TRAPPC9: variants seen among roughly 807,000 people sequenced by gnomAD.
TRAPPC9 encodes IKK2 binding protein.
Under a neutral mutation model 124.0 loss-of-function variants are expected in TRAPPC9, and 83 were observed. The ratio of observed to expected loss-of-function variants is 0.67; its 90% CI spans 0.56 to 0.80. The LOEUF (loss-of-function observed/expected upper bound fraction) is 0.80, where lower values mean the gene tolerates loss of function less well. Among genes scored for constraint, TRAPPC9 ranks in the 30% least tolerant of loss-of-function variants. The probability of loss-of-function intolerance (pLI) is 0.00; values close to 1 mark genes in which losing one functional copy is unlikely to be tolerated. For synonymous variants in TRAPPC9, 638 were observed against 617.5 expected (o/e 1.03, Z -0.49); for missense variants, 1,302 against 1,508.3 (o/e 0.86, Z 2.27).
chr8:139,820,101 G>A (rs1372846147), intron 21 of TRAPPC9, among the ~76,000 whole-genome samples: 1 of 151,160 alleles, frequency 6.6e-6, no homozygotes, highest in African/African-American at 2.4e-5. Flanking sequence ...GCTGATAAAT[G>A]CCAAAAGACA....
In TRAPPC9 at chr8:139,759,051, G is replaced by C. The variant is rs573147057; in HGVS notation, c.3056-26849C>G. On this transcript the variant is annotated intron_variant, in intron 21 of 22. Transcript: ENST00000438773. ...CCGCCTCAGCATGCGCAGTGGTAGA[G>C]GTGTTGATGGCAACTGGTGAGTGGG... 2.6e-5 allele frequency among the ~76,000 whole-genome samples: 4 copies of C among 152,280 alleles called. No homozygotes were observed. The South Asian group carries it at 6.2e-4, about 24-fold the overall frequency.
At chr8:140,422,480 G>A (rs541825905) in intron 5 of TRAPPC9, among the ~76,000 whole-genome samples, 31 of 152,274 alleles carry the variant, frequency 2.0e-4, no homozygotes, top group African/African-American at 6.3e-4. Context: ...CTAGCCAGGT[G>A]CAGTGGCTCA....
intron 7 of TRAPPC9, among the ~76,000 whole-genome samples, chr8:140,384,308 C>CA (rs1388138991): frequency 6.6e-6 from 1 of 151,602 alleles, no homozygotes; most frequent in African/African-American, 2.4e-5. Flanking sequence ...TTCCACATAA[C>CA]AATATTAACC....
intron 21 of TRAPPC9, among the ~76,000 whole-genome samples, chr8:139,868,523 G>C (rs1828691931): frequency 6.6e-6 from 1 of 152,192 alleles, no homozygotes; most frequent in South Asian, 2.1e-4. Flanking sequence ...TTGAAATCCA[G>C]ATGGAGGCCA....
At chr8:139,895,552 T>C (rs1207739524) in intron 20 of TRAPPC9, among the ~76,000 whole-genome samples, 3 of 152,216 alleles carry the variant, frequency 2.0e-5, no homozygotes, top group African/African-American at 7.2e-5. Context: ...GTGCACCTAC[T>C]TAAAGTAATA....
intron 17 of TRAPPC9, among the ~76,000 whole-genome samples, chr8:140,212,535 T>C (rs1189319330): frequency 6.6e-5 from 10 of 152,154 alleles, no homozygotes; most frequent in African/African-American, 1.7e-4. Context: ...TATTGGTCTG[T>C]AGTGCTTTGG....
In TRAPPC9 at chr8:139,825,311, CG is replaced by C. The variant is rs1012160732; in HGVS notation, c.3055+60567del. 6.6e-6 allele frequency among the ~76,000 whole-genome samples: 1 copy of C among 152,200 alleles called. No individual in the cohort carries two copies. Among genetic ancestry groups the C allele is most frequent in the African/African-American group, 2.4e-5 (1 of 41,464 alleles). On this transcript the variant is annotated intron_variant, in intron 21 of 22. Coordinates refer to ENST00000438773, the MANE Select transcript of TRAPPC9 (RefSeq NM_001160372.4). The surrounding 1 kb of genome is among the most constrained non-coding windows in gnomAD (Gnocchi z 4.6). ...AGCCACACTGGGTCCCACTCTTTCC[CG>C]CCGAATGGAGGAGAGGAGAAGCACA...
At chr8:140,126,247 G>A (rs1223136843) in intron 17 of TRAPPC9, among the ~76,000 whole-genome samples, 1 of 152,132 alleles carries the variant, frequency 6.6e-6, no homozygotes, top group Non-Finnish European at 1.5e-5. Flanking sequence ...CCACTGAGAT[G>A]GCCAGGGAGG....
chr8:139,993,127 A>C (rs890530412), intron 18 of TRAPPC9, among the ~76,000 whole-genome samples: 4 of 152,230 alleles, frequency 2.6e-5, no homozygotes, highest in African/African-American at 9.6e-5. Flanking sequence ...CTTCATTTTT[A>C]ATGCGTTGCA....
chr8:139,791,666 T>C (rs1220415353), intron 21 of TRAPPC9, among the ~76,000 whole-genome samples: 1 of 152,222 alleles, frequency 6.6e-6, no homozygotes, highest in African/African-American at 2.4e-5. Context: ...GTGCCCCTTC[T>C]AGCCTGGATG....
chr8:140,260,921 T>A (rs148207326), intron 15 of TRAPPC9, among the ~76,000 whole-genome samples: 1 of 151,564 alleles, frequency 6.6e-6, no homozygotes, highest in African/African-American at 2.4e-5. Flanking sequence ...AGGGAGAGAG[T>A]ACTTTGAAAA....
intron 17 of TRAPPC9, among the ~76,000 whole-genome samples, chr8:140,206,731 A>G (rs2062925388): frequency 6.6e-6 from 1 of 151,390 alleles, no homozygotes; most frequent in African/African-American, 2.4e-5. Context: ...ACATACATAC[A>G]TACACACACA....
At chr8:139,752,529 C>T (rs1264723519) in intron 21 of TRAPPC9, among the ~76,000 whole-genome samples, 7 of 151,532 alleles carry the variant, frequency 4.6e-5, no homozygotes, top group Non-Finnish European at 5.9e-5. Context: ...TCTACCCATC[C>T]ATCCATCCAT....
intron 17 of TRAPPC9, among the ~76,000 whole-genome samples, chr8:140,145,869 A>G (rs538554082): frequency 6.6e-6 from 1 of 151,938 alleles, no homozygotes; most frequent in Admixed American, 6.6e-5. Context: ...CTTCCTTCAC[A>G]TGTTTTCTGT....
At chr8:140,255,821 G>A (rs1012251749) in intron 15 of TRAPPC9, among the ~76,000 whole-genome samples, 1 of 152,222 alleles carries the variant, frequency 6.6e-6, no homozygotes, top group Non-Finnish European at 1.5e-5. Flanking sequence ...GGGAGGTGGA[G>A]GTTGCAGTGA....
intron 17 of TRAPPC9, among the ~76,000 whole-genome samples, chr8:140,041,343 G>A (rs1440021473): frequency 4.6e-5 from 7 of 152,238 alleles, no homozygotes; most frequent in Admixed American, 3.3e-4. Context: ...CAGTACAGGT[G>A]TTCAAACAGC....
intron 21 of TRAPPC9, among the ~76,000 whole-genome samples, chr8:139,806,618 C>T (rs184216520): frequency 6.6e-6 from 1 of 152,342 alleles, no homozygotes; most frequent in Non-Finnish European, 1.5e-5. Context: ...GTAGCCGAGC[C>T]TCCTGAACCC....
chr8:140,439,366 G>A (rs2070930289), intron 2 of TRAPPC9, among the ~76,000 whole-genome samples, 169 bp from the exon 3 acceptor site: 1 of 152,180 alleles, frequency 6.6e-6, no homozygotes, highest in Non-Finnish European at 1.5e-5. Flanking sequence ...AGCTGGAGTG[G>A]TCTTAATTTC....
intron 21 of TRAPPC9, among the ~76,000 whole-genome samples, chr8:139,870,241 A>C (rs2319564): frequency 0.26 from 39,387 of 152,166 alleles, 5,904 homozygotes; most frequent in Admixed American, 0.36. Context: ...CCCATGCCGC[A>C]CTCACCTTAG....
Sources: gnomAD v4.1 joint callset for allele counts (sites outside exome capture counted in the v4.1 genomes callset) on GRCh38, gnomAD v4.1.1 for gene constraint, Gnocchi (gnomAD v3.1) non-coding constraint, MANE v1.5 for transcripts, NCBI Gene and HGNC (gene_info 2026-07-23, HGNC 2026-07-21) for gene names.